The following SP110 variants were observed in gnomAD, a reference collection of about 807,000 sequenced individuals.
SP110 encodes the protein SP110 nuclear body protein.
In SP110, 62 loss-of-function variants were observed where a neutral mutation model predicts 92.7. That is an observed-to-expected ratio of 0.67 (90% confidence interval 0.55 to 0.83). SP110 has a LOEUF of 0.83. Among genes scored for constraint, SP110 ranks in the 40% least tolerant of loss-of-function variants. The pLI, the probability that SP110 is intolerant of heterozygous loss-of-function variation, is 0.00. For missense variants in SP110, 793 were observed against 863.9 expected, an observed-to-expected ratio of 0.92 and a Z score of 1.03; for synonymous variants, 273 against 305.3, an observed-to-expected ratio of 0.89 and a Z score of 1.10.
intron 10 of SP110, among the ~76,000 whole-genome samples, chr2:230,195,400 TCTC>T (rs1228293124): frequency 6.6e-6 from 1 of 152,110 alleles, no homozygotes; most frequent in Non-Finnish European, 1.5e-5. Context: ...AGTGGCATAA[TCTC>T]AGCTCACTGC....
At chr2:230,177,785 C>T (rs2041933482) in intron 13 of SP110, 105 bp from the exon 14 acceptor site, 1 of 1,299,670 alleles carries the variant, frequency 7.7e-7, no homozygotes, top group South Asian at 1.2e-5. Flanking sequence ...TCAAGAGAGA[C>T]TTCCTCTGTG....
chr2:230,170,985 T>G, intron 17 of SP110: 1 of 602,044 alleles, frequency 1.7e-6, no homozygotes, highest in East Asian at 2.8e-5. Context: ...TAATGCCCAT[T>G]TCATAGATGA....
chr2:230,182,067 G>C (rs4327230), intron 12 of SP110, among the ~76,000 whole-genome samples: 120,702 of 152,202 alleles, frequency 0.79, 47,952 homozygotes, highest in Admixed American at 0.84. Flanking sequence ...AAATATCCAT[G>C]AATTATAGAC....
Position 230,200,899 on chromosome 2 carries a change from C to T in SP110, c.1115G>A (p.Arg372Gln), listed in dbSNP as rs201394862. The T allele has an allele frequency of 2.1e-5, 34 of 1,612,618 alleles. No individual in the cohort carries two copies. The South Asian group carries it at 2.3e-4, about 11-fold the overall frequency. ...CCAAGTTTTACCTTGTGTGACCCTTCGTGGTGTACTAGGCGTCTTCTGGGA... is the reference window on the plus strand; with the variant it reads ...CCAAGTTTTACCTTGTGTGACCCTTTGTGGTGTACTAGGCGTCTTCTGGGA... ...KRSQKTPSTPRRVTQGAASPG... is the reference protein window; with the variant it reads ...KRSQKTPSTPQRVTQGAASPG... The change falls in exon 10 of 19, where the codon CGA becomes CAA. Residue 372 changes from arginine to glutamine, a missense_variant. Arg to Gln is a conservative substitution (Grantham distance 43). Coordinates refer to ENST00000258381, the MANE Select transcript of SP110 (RefSeq NM_080424.4).
chr2:230,191,490 G>A (rs12470164), intron 10 of SP110, among the ~76,000 whole-genome samples: 11,667 of 152,150 alleles, frequency 0.077, 983 homozygotes, highest in East Asian at 0.39. Flanking sequence ...TACCATCAGA[G>A]AATACTATAA....
Position 230,212,870 on chromosome 2 carries a change from C to A in SP110, c.474G>T (p.Glu158Asp), listed in dbSNP as rs1559177949. ...CGCTTTGCTGGGAGGATGTTCCAGG[C>A]TCACTGACTCTTGGCGCACAGGGTG... The part of the protein sequence containing the change: ...SCSPCAPRVS[E>D]PGTSSQQSDE... Residue 158 changes from glutamate (E) to aspartate (D), a missense_variant, in exon 4 of 19, where the codon GAG becomes GAT. By Grantham distance (45) the Glu-to-Asp change is conservative. Transcript: ENST00000258381. The A allele has an allele frequency of 6.2e-7, 1 of 1,614,094 alleles. No individual in the cohort carries two copies. Among genetic ancestry groups the A allele is most frequent in the South Asian group, 1.1e-5 (1 of 91,080 alleles).
chr2:230,168,069 ACTGTACTCCG>A lies in SP110; in HGVS notation c.*1045_*1054del, dbSNP rs2078338220. ...GGTTGCAGTGAGTCAAGATGACGCT[ACTGTACTCCG>A]GCCTGGGTGACAGAGTGAGACTCTG... is the stretch of plus-strand genomic sequence containing the variant. On this transcript the variant is annotated 3_prime_UTR_variant, in exon 19 of 19. Transcript: ENST00000258381. 7.7e-6 allele frequency: 1 copy of A among 130,632 alleles called. No individual in the cohort carries two copies. Among genetic ancestry groups the A allele is most frequent in the African/African-American group, 2.9e-5 (1 of 34,530 alleles). The allele number at this position is 130,632 out of a possible 1,614,324, so 8.1% of individuals were successfully genotyped here.
intron 14 of SP110, chr2:230,174,077 G>T (rs1312460920): frequency 6.6e-6 from 1 of 152,158 alleles, no homozygotes; most frequent in African/African-American, 2.4e-5. Flanking sequence ...TACTCACAAA[G>T]AACTCATAGA....
At chr2:230,179,765 C>CA (rs1405026171) in intron 12 of SP110, among the ~76,000 whole-genome samples, 11 of 151,774 alleles carry the variant, frequency 7.2e-5, no homozygotes, top group Admixed American at 2.0e-4. Flanking sequence ...TTAGGGAACA[C>CA]AAATGTCCCA....
intron 10 of SP110, among the ~76,000 whole-genome samples, chr2:230,191,733 A>G (rs537522811): frequency 6.6e-6 from 1 of 152,332 alleles, no homozygotes; most frequent in East Asian, 1.9e-4. Flanking sequence ...TTACTTCTGA[A>G]ACTATTCCAA....
intron 1 of SP110, among the ~76,000 whole-genome samples, chr2:230,218,655 A>T (rs1156942310): frequency 6.6e-6 from 1 of 152,192 alleles, no homozygotes; most frequent in African/African-American, 2.4e-5. Flanking sequence ...CAAAGATGAA[A>T]GGGAGGCACA....
At chr2:230,186,256 G>A (rs1225639175) in intron 10 of SP110, 113 bp from the exon 11 acceptor site, 35 of 1,026,492 alleles carry the variant, frequency 3.4e-5, no homozygotes, top group Middle Eastern at 2.9e-4. Flanking sequence ...TTTCTTGTGT[G>A]TATCTTTCTT....
chr2:230,223,421 C>A (rs145239723), upstream of SP110, among the ~76,000 whole-genome samples: 4 of 152,264 alleles, frequency 2.6e-5, no homozygotes, highest in African/African-American at 9.6e-5. Context: ...ATATAACCTG[C>A]CTGGACTGCC....
At chr2:230,217,187 A>C (rs1474733227) in intron 1 of SP110, among the ~76,000 whole-genome samples, 1 of 150,688 alleles carries the variant, frequency 6.6e-6, no homozygotes, top group Non-Finnish European at 1.5e-5. Flanking sequence ...TGGAGGTTGC[A>C]GTAAGCCAAG....
rs2044417830 is a variant in SP110, at chr2:230,211,091, G to A, written c.751+379C>T. On this transcript the variant is annotated intron_variant, in intron 6 of 18. Transcript: ENST00000258381. The surrounding 1 kb of genome is among the most constrained non-coding windows in gnomAD (Gnocchi z 4.2). ...GTGGCTCTGTCAAACAGTCCAGCCTGACTCAGTTCCCTTGCTTTCCCCTGG... is the reference window on the plus strand; with the variant it reads ...GTGGCTCTGTCAAACAGTCCAGCCTAACTCAGTTCCCTTGCTTTCCCCTGG... Among the ~76,000 whole-genome samples, 1 of 152,190 alleles carries A rather than the reference G, an allele frequency of 6.6e-6. No homozygotes were observed. Among genetic ancestry groups the A allele is most frequent in the Non-Finnish European group, 1.5e-5 (1 of 68,022 alleles).
Position 230,165,904 on chromosome 2 carries a change from T to C in SP110, c.*3220A>G, listed in dbSNP as rs574713801. On this transcript the variant is annotated 3_prime_UTR_variant, in exon 19 of 19. Transcript: ENST00000258381. ...AAGACCACCTATATAACTTTTTTTTTTTTTTTTGAAACAGAGTCTTACTCT... is the reference window on the plus strand; with the variant it reads ...AAGACCACCTATATAACTTTTTTTTCTTTTTTTGAAACAGAGTCTTACTCT... 5.4e-4 allele frequency among the ~76,000 whole-genome samples: 82 copies of C among 151,342 alleles called. 1 individual carries two copies. The East Asian group carries it at 0.011, about 20-fold the overall frequency.
intron 10 of SP110, among the ~76,000 whole-genome samples, chr2:230,186,930 A>G (rs1377615306): frequency 6.6e-6 from 1 of 152,188 alleles, no homozygotes; most frequent in African/African-American, 2.4e-5. Context: ...TTGGTTCCCT[A>G]TCTTTACAAT....
At position 230,208,895 on chromosome 2, in the gene SP110, A is replaced by G. The variant is rs538960098; in HGVS notation, c.830-836T>C. ...AAGATAATGGCAATAGATTACTGAA[A>G]TGATGAATCTTGGACTGTGAGTTAG... On this transcript the variant is annotated intron_variant, in intron 7 of 18. Coordinates refer to ENST00000258381, the MANE Select transcript of SP110 (RefSeq NM_080424.4). 3.3e-5 allele frequency among the ~76,000 whole-genome samples: 5 copies of G among 152,326 alleles called. No homozygotes were observed. In the East Asian group the frequency reaches 9.6e-4, roughly 29 times the overall value.
intron 14 of SP110, chr2:230,176,725 C>G: frequency 6.2e-7 from 1 of 1,614,122 alleles, no homozygotes; most frequent in South Asian, 1.1e-5. Context: ...AAAGTCCACT[C>G]TGAAAGACAG....
Sources: gnomAD v4.1 joint callset for allele counts (sites outside exome capture counted in the v4.1 genomes callset) on GRCh38, gnomAD v4.1.1 for gene constraint, Gnocchi (gnomAD v3.1) non-coding constraint, MANE v1.5 for transcripts, NCBI Gene and HGNC (gene_info 2026-07-23, HGNC 2026-07-21) for gene names.